The following TNFRSF19 variants were observed in gnomAD, a reference collection of about 807,000 sequenced individuals.
TNFRSF19 encodes TNF receptor superfamily member 19.
TNFRSF19 carries 27 observed loss-of-function variants against 46.4 expected under a neutral mutation model. The observed-to-expected ratio is 0.58, with a 90% CI of 0.43 to 0.80. The LOEUF (loss-of-function observed/expected upper bound fraction) is 0.80, where lower values mean the gene tolerates loss of function less well. Ranked by LOEUF, TNFRSF19 falls within the 30% of genes least tolerant of loss-of-function variation. The pLI is 0.00. For missense variants in TNFRSF19, 511 were observed against 530.8 expected, an observed-to-expected ratio of 0.96 and a Z score of 0.37; for synonymous variants, 204 against 205.0, an observed-to-expected ratio of 1.00 and a Z score of 0.04.
intron 1 of TNFRSF19, among the ~76,000 whole-genome samples, chr13:23,582,025 A>C (rs1049731857): frequency 5.9e-5 from 9 of 152,212 alleles, no homozygotes; most frequent in African/African-American, 1.9e-4. Context: ...CTATGTGATA[A>C]GAGAGCCAGG....
At chr13:23,604,441 T>G (rs1289371731) in intron 3 of TNFRSF19, among the ~76,000 whole-genome samples, 1 of 152,098 alleles carries the variant, frequency 6.6e-6, no homozygotes, top group African/African-American at 2.4e-5. Flanking sequence ...TCAACTTGAT[T>G]TATAGATTCA....
At chr13:23,586,777 C>A (rs1424319588) in intron 1 of TNFRSF19, among the ~76,000 whole-genome samples, 2 of 152,180 alleles carry the variant, frequency 1.3e-5, no homozygotes, top group Non-Finnish European at 2.9e-5. Context: ...CATGTTTCCC[C>A]GCTCTGCACT....
chr13:23,656,190 G>C (rs1321482985), intron 5 of TNFRSF19, among the ~76,000 whole-genome samples: 1 of 152,172 alleles, frequency 6.6e-6, no homozygotes, highest in Non-Finnish European at 1.5e-5. Context: ...AATGTGTGGA[G>C]AAGGGGCATA....
intron 5 of TNFRSF19, among the ~76,000 whole-genome samples, chr13:23,645,157 C>T (rs1269189898): frequency 6.6e-6 from 1 of 152,188 alleles, no homozygotes; most frequent in African/African-American, 2.4e-5. Flanking sequence ...TCAGAATGTA[C>T]AAACTTGCTT....
chr13:23,600,103 A>G (rs1341022798), intron 3 of TNFRSF19, among the ~76,000 whole-genome samples: 3 of 152,170 alleles, frequency 2.0e-5, no homozygotes, highest in Admixed American at 6.5e-5. Context: ...CCTTAAGTTA[A>G]TTTTTGGAGA....
At chr13:23,584,624 AT>A (rs1240989689) in intron 1 of TNFRSF19, among the ~76,000 whole-genome samples, 13 of 118,416 alleles carry the variant, frequency 1.1e-4, no homozygotes, top group Admixed American at 5.0e-4. Context: ...GTTAAGTTTT[AT>A]TTAAAAAAAA....
In TNFRSF19 at chr13:23,570,721, G is replaced by C. The variant is rs998278829; in HGVS notation, c.-162G>C. 3.9e-5 allele frequency: 6 copies of C among 152,188 alleles called. No individual in the cohort carries two copies. Among genetic ancestry groups the C allele is most frequent in the African/African-American group, 1.4e-4 (6 of 41,426 alleles). The allele number at this position is 152,188 out of a possible 1,614,324, so 9.4% of individuals were successfully genotyped here. A position where few individuals can be genotyped will look rare whatever the true frequency, so the allele number is the denominator to read the frequency against. On this transcript the variant is annotated 5_prime_UTR_variant, in exon 1 of 10. Coordinates refer to ENST00000248484, the MANE Select transcript of TNFRSF19 (RefSeq NM_148957.4). ...TTCATCTCCCTGCTCGTCTGCCTTT[G>C]ATCTGCATGGTTAATTTTATTTTCC...
intron 1 of TNFRSF19, among the ~76,000 whole-genome samples, chr13:23,586,210 A>C (rs1010626075): frequency 4.0e-5 from 6 of 148,290 alleles, no homozygotes; most frequent in African/African-American, 7.6e-5. Context: ...GGGAGCTGAG[A>C]TCACACTACT....
At chr13:23,645,855 A>G (rs1304267753) in intron 5 of TNFRSF19, among the ~76,000 whole-genome samples, 1 of 152,180 alleles carries the variant, frequency 6.6e-6, no homozygotes, top group Non-Finnish European at 1.5e-5. Flanking sequence ...CTCAAACTTA[A>G]CAATTAAAAT....
chr13:23,662,189 T>A (rs1057184882), intron 7 of TNFRSF19, among the ~76,000 whole-genome samples: 2 of 152,224 alleles, frequency 1.3e-5, no homozygotes, highest in Admixed American at 1.3e-4. Context: ...AAGTCTTTAG[T>A]CCATCTGAGT....
intron 5 of TNFRSF19, among the ~76,000 whole-genome samples, chr13:23,627,684 C>T (rs538987802): frequency 6.6e-6 from 1 of 152,294 alleles, no homozygotes; most frequent in Admixed American, 6.5e-5. Context: ...ACAGGTCGCT[C>T]ATGCCTTTCT....
At position 23,629,496 on chromosome 13, in the gene TNFRSF19, G is replaced by A. The variant is rs543970321; in HGVS notation, c.445+2704G>A. 1.3e-5 allele frequency among the ~76,000 whole-genome samples: 2 copies of A among 152,292 alleles called. 1 individual carries two copies. Among genetic ancestry groups the A allele is most frequent in the South Asian group, 4.1e-4 (2 of 4,824 alleles). ...CGCCTATCTGTGGCTGGTGACCTGA[G>A]CCAGCACTCCCCTCCCCAAGGGCTA... On this transcript the variant is annotated intron_variant, in intron 5 of 9. Transcript: ENST00000248484.
At chr13:23,629,181 A>G (rs1336147796) in intron 5 of TNFRSF19, among the ~76,000 whole-genome samples, 1 of 151,480 alleles carries the variant, frequency 6.6e-6, no homozygotes, top group Non-Finnish European at 1.5e-5. Context: ...ATTCTCAGCT[A>G]GAAGAAAGTG....
chr13:23,671,372 T>C (rs1353058527), intron 9 of TNFRSF19, among the ~76,000 whole-genome samples: 1 of 152,196 alleles, frequency 6.6e-6, no homozygotes, highest in East Asian at 1.9e-4. Flanking sequence ...AATTGTTAGA[T>C]TAATTTAGGT....
chr13:23,631,907 A>G (rs965333729), intron 5 of TNFRSF19, among the ~76,000 whole-genome samples: 9 of 152,212 alleles, frequency 5.9e-5, no homozygotes, highest in African/African-American at 2.2e-4. Flanking sequence ...CATTTACTGA[A>G]TCTGATCAGA....
rs904724267 is a variant in TNFRSF19 at position 23,628,553 on chromosome 13, T to G, written c.445+1761T>G. ...CTTTAGAGTCAGAAAGTCTTAGGGG[T>G]TTTTTCCCATTAATTTATTGGATTT... On this transcript the variant is annotated intron_variant, in intron 5 of 9. Coordinates refer to ENST00000248484, the MANE Select transcript of TNFRSF19 (RefSeq NM_148957.4). 4.0e-4 allele frequency among the ~76,000 whole-genome samples: 61 copies of G among 152,002 alleles called. 1 individual carries two copies. The highest frequency in any genetic ancestry group is 6.2e-4 in the South Asian group (3 of 4,808).
At chr13:23,630,276 C>G (rs1419932238) in intron 5 of TNFRSF19, among the ~76,000 whole-genome samples, 1 of 138,610 alleles carries the variant, frequency 7.2e-6, no homozygotes, top group African/African-American at 2.7e-5. Context: ...GCACTCCAGC[C>G]TGAACAACAG....
At chr13:23,625,391 C>G (rs1185276065) in intron 4 of TNFRSF19, among the ~76,000 whole-genome samples, 1 of 144,634 alleles carries the variant, frequency 6.9e-6, no homozygotes, top group African/African-American at 2.6e-5. Context: ...TGCAGTGGCG[C>G]TATCTCAGCT....
chr13:23,637,444 G>A (rs768640726), intron 5 of TNFRSF19, among the ~76,000 whole-genome samples: 4 of 150,564 alleles, frequency 2.7e-5, no homozygotes, highest in Non-Finnish European at 6.0e-5. Flanking sequence ...GTCCTGAATC[G>A]ACTTCCTGTT....
Sources: gnomAD v4.1 joint callset for allele counts (sites outside exome capture counted in the v4.1 genomes callset) on GRCh38, gnomAD v4.1.1 for gene constraint, MANE v1.5 for transcripts, NCBI Gene and HGNC (gene_info 2026-07-23, HGNC 2026-07-21) for gene names.